PDZD9: variants seen among roughly 807,000 people sequenced by gnomAD.
The protein encoded by PDZD9 is PDZ domain containing 9.
A neutral mutation model predicts 16.3 loss-of-function variants in PDZD9; 13 were observed. The ratio of observed to expected loss-of-function variants is 0.80; its 90% CI spans 0.52 to 1.27. The LOEUF (loss-of-function observed/expected upper bound fraction) is 1.27. Among genes scored for constraint, PDZD9 ranks in the 50% most tolerant of loss-of-function variants. PDZD9 has a pLI of 0.00. For missense variants in PDZD9, 288 were observed against 310.9 expected (o/e 0.93, Z 0.55); for synonymous variants, 120 against 111.0 (o/e 1.08, Z -0.51).
At chr16:21,976,092 A>T in the PDZD9 span, 2 of 988,504 alleles carry the variant, frequency 2.0e-6, no homozygotes, top group Non-Finnish European at 3.2e-6. Context: ...TTTTTGCCTC[A>T]GTAAAGAAGT....
At chr16:22,000,205 A>C (rs971055939) in intron 1 of PDZD9, among the ~76,000 whole-genome samples, 1 of 152,216 alleles carries the variant, frequency 6.6e-6, no homozygotes, top group Non-Finnish European at 1.5e-5. Context: ...CTCTGTCTCT[A>C]AAAATAAAAT....
chr16:21,989,895 C>A (rs1037199005), intron 2 of PDZD9, among the ~76,000 whole-genome samples: 2 of 152,178 alleles, frequency 1.3e-5, no homozygotes, highest in African/African-American at 2.4e-5. Context: ...CCCATGTCCC[C>A]ACCTCCAGCA....
intron 3 of PDZD9, among the ~76,000 whole-genome samples, chr16:21,987,101 A>G (rs1374646422): frequency 6.6e-6 from 1 of 152,164 alleles, no homozygotes; most frequent in Admixed American, 6.5e-5. Flanking sequence ...TTGCAGGAAC[A>G]TGCCAGGATC....
chr16:21,965,076 G>A, the PDZD9 span, among the ~76,000 whole-genome samples: 2 of 125,170 alleles, frequency 1.6e-5, no homozygotes, highest in South Asian at 3.9e-4. Flanking sequence ...GCAAGATGGC[G>A]GCAGAACCAT....
chr16:21,962,177 G>C, the PDZD9 span: 1 of 384,680 alleles, frequency 2.6e-6, no homozygotes, highest in Admixed American at 3.8e-5. Context: ...TACAATATTT[G>C]TCCCTTTGTG....
chr16:21,970,583 T>C, the PDZD9 span, among the ~76,000 whole-genome samples: 2 of 152,156 alleles, frequency 1.3e-5, no homozygotes, highest in Admixed American at 1.3e-4. Flanking sequence ...TGTATAACTT[T>C]TTTTGTTTGT....
chr16:21,975,894 A>T, the PDZD9 span, among the ~76,000 whole-genome samples: 9 of 152,146 alleles, frequency 5.9e-5, no homozygotes, highest in African/African-American at 2.2e-4. Flanking sequence ...CATCTCTACA[A>T]AAAAAGCTAA....
At chr16:21,962,507 G>A in the PDZD9 span, 186 of 1,614,010 alleles carry the variant, frequency 1.2e-4, 1 homozygote, top group Non-Finnish European at 1.5e-4. Flanking sequence ...GAATGCCTGC[G>A]GGGTGATGTG....
At chr16:21,975,661 C>T in the PDZD9 span, among the ~76,000 whole-genome samples, 1 of 152,134 alleles carries the variant, frequency 6.6e-6, no homozygotes, top group African/African-American at 2.4e-5. Flanking sequence ...AAAGTATGGA[C>T]AAGCCTTACA....
the PDZD9 span, among the ~76,000 whole-genome samples, chr16:21,974,527 T>C: frequency 6.6e-6 from 1 of 152,260 alleles, no homozygotes. Context: ...AGAAGTCTGG[T>C]AGTTTCAGCA....
chr16:21,961,645 TA>T, the PDZD9 span, among the ~76,000 whole-genome samples: 1 of 95,248 alleles, frequency 1.0e-5, no homozygotes, highest in African/African-American at 5.4e-5. Flanking sequence ...TATATATATA[TA>T]TATATATATA....
chr16:22,000,803 G>A (rs929587267), intron 1 of PDZD9, among the ~76,000 whole-genome samples: 10 of 151,396 alleles, frequency 6.6e-5, no homozygotes, highest in African/African-American at 2.4e-4. Flanking sequence ...CAGCCTGGGG[G>A]ACAAAGCAAG....
chr16:21,995,684 G>A (rs926542710), intron 2 of PDZD9, among the ~76,000 whole-genome samples: 8 of 151,828 alleles, frequency 5.3e-5, no homozygotes, highest in Non-Finnish European at 1.0e-4. Context: ...TGCAACCTCC[G>A]CCTCCCGGGT....
the PDZD9 span, chr16:21,973,774 TAA>T: frequency 1.3e-6 from 1 of 798,136 alleles, no homozygotes; most frequent in Non-Finnish European, 2.0e-6. Context: ...ACTGGCTAAG[TAA>T]AATATTAATC....
chr16:21,961,663 T>TATATATATATACATAC, the PDZD9 span, among the ~76,000 whole-genome samples: 1 of 113,286 alleles, frequency 8.8e-6, no homozygotes, highest in African/African-American at 4.3e-5. Context: ...TATATATATA[T>TATATATATATACATAC]ATATATTTTA....
chr16:21,981,518 C>T (rs1898727652), downstream of PDZD9, among the ~76,000 whole-genome samples: 1 of 152,094 alleles, frequency 6.6e-6, no homozygotes, highest in Non-Finnish European at 1.5e-5. Flanking sequence ...CTTTGGAAGG[C>T]TGAGGTGGGC....
At chr16:21,982,963 CAAAAAAAAA>C (rs1036084484), downstream of PDZD9, 24 of 537,720 alleles carry the variant, frequency 4.5e-5, 1 homozygote, top group Admixed American at 1.0e-3. Context: ...GACTCCACCT[CAAAAAAAAA>C]AAAAAAAAAA....
At chr16:21,982,752 G>A (rs1395984347), downstream of PDZD9, among the ~76,000 whole-genome samples, 1 of 152,096 alleles carries the variant, frequency 6.6e-6, no homozygotes, top group Non-Finnish European at 1.5e-5. Flanking sequence ...ATCACTTGAG[G>A]CTAGGAGTTT....
the PDZD9 span, chr16:21,959,394 G>A: frequency 7.4e-6 from 2 of 271,738 alleles, no homozygotes; most frequent in Non-Finnish European, 1.5e-5. Flanking sequence ...CACTTTGTTT[G>A]CTCATCCATA....
Sources: gnomAD v4.1 joint callset for allele counts (sites outside exome capture counted in the v4.1 genomes callset) on GRCh38, gnomAD v4.1.1 for gene constraint, MANE v1.5 for transcripts, NCBI Gene and HGNC (gene_info 2026-07-23, HGNC 2026-07-21) for gene names.